The following SP100 variants were observed in gnomAD, a reference collection of about 807,000 sequenced individuals.
SP100 encodes SP100 nuclear body protein.
In SP100, 84 loss-of-function variants were observed where a neutral mutation model predicts 130.0. The ratio of observed to expected loss-of-function variants is 0.65; its 90% CI spans 0.54 to 0.77. The LOEUF (loss-of-function observed/expected upper bound fraction) is 0.77. Among genes scored for constraint, SP100 ranks in the 30% least tolerant of loss-of-function variants. The probability of loss-of-function intolerance (pLI) is 0.00; values close to 1 mark genes in which losing one functional copy is unlikely to be tolerated. For synonymous variants in SP100, 331 were observed against 351.7 expected, an observed-to-expected ratio of 0.94 and a Z score of 0.66; for missense variants, 978 against 1,052.2, an observed-to-expected ratio of 0.93 and a Z score of 0.97.
chr2:230,483,441 C>A (rs1014755400), intron 17 of SP100, among the ~76,000 whole-genome samples: 1 of 151,982 alleles, frequency 6.6e-6, no homozygotes, highest in Non-Finnish European at 1.5e-5. Flanking sequence ...AGGGGTTGGG[C>A]GGGAAGTGGT....
At chr2:230,510,454 CTGGA>C (rs1482007028) in intron 23 of SP100, 1 of 120,538 alleles carries the variant, frequency 8.3e-6, no homozygotes, top group Non-Finnish European at 1.6e-5. Flanking sequence ...TGCAGCTTCT[CTGGA>C]TGGAATGACA....
chr2:230,448,931 G>A (rs888243587), intron 5 of SP100, among the ~76,000 whole-genome samples, 157 bp from the exon 6 acceptor site: 1 of 152,230 alleles, frequency 6.6e-6, no homozygotes, highest in Non-Finnish European at 1.5e-5. Context: ...TCTGACTTCA[G>A]TAATTAGGTA....
chr2:230,489,822 T>C lies in SP100; in HGVS notation c.1601-4594T>C, dbSNP rs150978166. ...GTTCAATTTCCATGTAATTGTGTGG[T>C]TTTGAGTGAGTTTCTTAATCCTGAG... On this transcript the variant is annotated intron_variant, in intron 17 of 28. Coordinates refer to ENST00000340126, the MANE Select transcript of SP100 (RefSeq NM_001080391.2). Among the ~76,000 whole-genome samples the C allele has an allele frequency of 6.4e-3, 981 of 152,302 alleles. 4 individuals are homozygous for C. The highest frequency in any genetic ancestry group is 9.2e-3 in the Admixed American group (141 of 15,286).
chr2:230,515,876 A>C, intron 24 of SP100: 1 of 1,250,346 alleles, frequency 8.0e-7, no homozygotes. Flanking sequence ...GTAAATTGGC[A>C]TGGAAATTTA....
chr2:230,495,362 A>T (rs910345976), intron 18 of SP100, among the ~76,000 whole-genome samples: 2 of 152,124 alleles, frequency 1.3e-5, no homozygotes, highest in African/African-American at 4.8e-5. Flanking sequence ...TGGCTCTGTC[A>T]CCCAGGCTGG....
At chr2:230,472,029 T>A (rs1649887) in intron 15 of SP100, among the ~76,000 whole-genome samples, 36,794 of 152,030 alleles carry the variant, frequency 0.24, 5,210 homozygotes, top group Non-Finnish European at 0.33. Context: ...GTCAGTGTCC[T>A]AACAGCAGGC....
At chr2:230,507,935 T>C (rs1690244616) in intron 22 of SP100, 58 bp from the exon 23 acceptor site, 1 of 1,518,548 alleles carries the variant, frequency 6.6e-7, no homozygotes, top group South Asian at 1.2e-5. Flanking sequence ...TCAGAAATAC[T>C]AAGCTCACAA....
At chr2:230,424,307 C>A (rs1156973243) in intron 2 of SP100, among the ~76,000 whole-genome samples, 1 of 152,068 alleles carries the variant, frequency 6.6e-6, no homozygotes, top group African/African-American at 2.4e-5. Flanking sequence ...TGAGCCATGC[C>A]CAACCTGGCC....
chr2:230,511,101 C>G (rs753846497), intron 23 of SP100, 24 bp from the exon 24 acceptor site: 1 of 1,535,000 alleles, frequency 6.5e-7, no homozygotes, highest in Non-Finnish European at 9.0e-7. Flanking sequence ...AATATTGTAC[C>G]AATCTTTCTG....
At chr2:230,460,041 CTT>C (rs1208411903) in intron 8 of SP100, among the ~76,000 whole-genome samples, 2 of 152,318 alleles carry the variant, frequency 1.3e-5, no homozygotes, top group East Asian at 3.9e-4. Flanking sequence ...GCCAAGCTCT[CTT>C]TCTTTCATCT....
At position 230,540,919 on chromosome 2, in the gene SP100, G is replaced by A. The variant is rs753865177; in HGVS notation, c.2254G>A (p.Glu752Lys). ...CTTCTGCAGGATAAAGACTATTCAGGAAAGATGCCCAGAAAGCCAATCAGG... is the reference window on the plus strand; with the variant it reads ...CTTCTGCAGGATAAAGACTATTCAGAAAAGATGCCCAGAAAGCCAATCAGG... ...CIFCRIKTIQ[E>K]RCPESQSGHQ... The change falls in exon 26 of 29, where the codon GAA (glutamate) becomes AAA (lysine). Residue 752 changes from glutamate (E) to lysine (K), a missense_variant. Glu to Lys is a moderately conservative substitution (Grantham distance 56). Transcript: ENST00000340126. The A allele has an allele frequency of 1.2e-6, 2 of 1,613,804 alleles. No homozygotes were observed. The highest frequency in any genetic ancestry group is 1.1e-5 in the South Asian group (1 of 91,030).
At chr2:230,508,625 T>C (rs1296715211) in intron 23 of SP100, 1 of 152,100 alleles carries the variant, frequency 6.6e-6, no homozygotes, top group Non-Finnish European at 1.5e-5. Context: ...GCGCCATACT[T>C]TCTTTAAATA....
Position 230,528,351 on chromosome 2 carries a change from C to T in SP100, c.2095-10916C>T, listed in dbSNP as rs564117639. On this transcript the variant is annotated intron_variant, in intron 24 of 28. Coordinates refer to ENST00000340126, the MANE Select transcript of SP100 (RefSeq NM_001080391.2). ...GTATGGGTAAATAACGAAATGAAGG[C>T]AGAAATAAATATGTTCTTTGAAACC... Among the ~76,000 whole-genome samples the T allele has an allele frequency of 7.9e-5, 12 of 152,254 alleles. No individual in the cohort carries two copies. In the East Asian group the frequency reaches 2.3e-3, roughly 29 times the overall value.
chr2:230,498,565 A>G, intron 19 of SP100, 30 bp downstream of exon 19: 1 of 1,217,918 alleles, frequency 8.2e-7, no homozygotes, highest in Non-Finnish European at 1.1e-6. Flanking sequence ...TTTTAAATAA[A>G]TAACGTCTAA....
At chr2:230,417,788 T>C (rs2062653219) in intron 2 of SP100, 123 bp downstream of exon 2, 8 of 1,413,092 alleles carry the variant, frequency 5.7e-6, no homozygotes, top group Admixed American at 2.8e-5. Flanking sequence ...TGTTTGTTTT[T>C]TGCCAATATG....
chr2:230,539,136 T>C, intron 24 of SP100, 131 bp from the exon 25 acceptor site: 1 of 586,740 alleles, frequency 1.7e-6, no homozygotes, highest in Non-Finnish European at 3.1e-6. Flanking sequence ...TCTTCTGAGA[T>C]CTCCACTCAG....
intron 15 of SP100, among the ~76,000 whole-genome samples, chr2:230,472,510 G>A (rs940326887): frequency 4.0e-5 from 6 of 148,516 alleles, no homozygotes; most frequent in Non-Finnish European, 8.9e-5. Context: ...GGAAGTGATA[G>A]TAGAAAGAAG....
chr2:230,437,653 G>A (rs188604967), intron 2 of SP100, among the ~76,000 whole-genome samples: 205 of 152,112 alleles, frequency 1.3e-3, no homozygotes, highest in African/African-American at 4.5e-3. Context: ...CCACCTCCCA[G>A]GTTCAAGCAA....
chr2:230,541,849 T>C (rs1000659757), intron 27 of SP100, 43 bp from the exon 28 acceptor site: 3 of 1,596,136 alleles, frequency 1.9e-6, no homozygotes, highest in Non-Finnish European at 8.5e-7. Flanking sequence ...TGGGAGTCTA[T>C]GGCACTGGGC....
Sources: allele counts gnomAD v4.1 joint callset (sites outside exome capture counted in the v4.1 genomes callset), GRCh38; gene constraint gnomAD v4.1.1; transcripts MANE v1.5; gene names NCBI Gene and HGNC (gene_info 2026-07-23, HGNC 2026-07-21).